NECAB1: variants seen among roughly 807,000 people sequenced by gnomAD.
The protein encoded by NECAB1 is N-terminal EF-hand calcium-binding protein 1.
In NECAB1, 29 loss-of-function variants were observed where a neutral mutation model predicts 57.5. The ratio of observed to expected loss-of-function variants is 0.50; its 90% CI spans 0.38 to 0.69. NECAB1 has a LOEUF of 0.69. Ranked by LOEUF, NECAB1 falls within the 30% of genes least tolerant of loss-of-function variation. The probability of loss-of-function intolerance (pLI) is 0.00; values close to 1 mark genes in which losing one functional copy is unlikely to be tolerated. For synonymous variants in NECAB1, 142 were observed against 147.7 expected, an observed-to-expected ratio of 0.96 and a Z score of 0.28; for missense variants, 372 against 413.8, an observed-to-expected ratio of 0.90 and a Z score of 0.88.
intron 2 of NECAB1, 141 bp downstream of exon 2, chr8:90,801,856 T>C (rs1220804329): frequency 1.1e-5 from 6 of 559,764 alleles, no homozygotes; most frequent in Non-Finnish European, 1.8e-5. Flanking sequence ...TCGTTTTAGA[T>C]AAGTTTTAGG....
intron 3 of NECAB1, among the ~76,000 whole-genome samples, chr8:90,848,096 C>A (rs753892421): frequency 6.6e-6 from 1 of 152,110 alleles, no homozygotes; most frequent in Admixed American, 6.6e-5. Flanking sequence ...TTTGCTTCCT[C>A]TTGAATGCTT....
At chr8:90,867,798 A>G (rs1420695278) in intron 3 of NECAB1, among the ~76,000 whole-genome samples, 3 of 152,220 alleles carry the variant, frequency 2.0e-5, no homozygotes, top group Non-Finnish European at 4.4e-5. Context: ...CTGGCCTTGT[A>G]TGCCACTTGG....
rs994213914 is a variant in NECAB1, at chr8:90,957,481, T to C, written c.*1969T>C. ...TCATATTCTGAAACAAGAATTAGAA[T>C]GACTTGAGAACGGGCAAATAACAAA... On this transcript the variant is annotated 3_prime_UTR_variant, in exon 13 of 13. Transcript: ENST00000417640. 6.6e-6 allele frequency: 1 copy of C among 151,758 alleles called. No homozygotes were observed. Among genetic ancestry groups the C allele is most frequent in the Non-Finnish European group, 1.5e-5 (1 of 67,792 alleles). 9.4% of individuals were successfully genotyped at this position (151,758 alleles called of 1,614,324 possible).
At chr8:90,802,173 A>G (rs1201080381) in intron 2 of NECAB1, among the ~76,000 whole-genome samples, 3 of 152,172 alleles carry the variant, frequency 2.0e-5, no homozygotes, top group Admixed American at 1.3e-4. Context: ...TGGAGATTTT[A>G]CTGTACTCCA....
intron 7 of NECAB1, 41 bp downstream of exon 7, chr8:90,925,697 T>G (rs1270559672): frequency 1.2e-6 from 2 of 1,607,402 alleles, no homozygotes; most frequent in Non-Finnish European, 1.7e-6. Flanking sequence ...CAAAGTCTAT[T>G]TATCTTGCGT....
intron 8 of NECAB1, among the ~76,000 whole-genome samples, chr8:90,928,903 C>G (rs1229222639): frequency 6.6e-6 from 1 of 151,998 alleles, no homozygotes; most frequent in East Asian, 1.9e-4. Flanking sequence ...ACCAAGTAGT[C>G]CTGTTATTGT....
intron 3 of NECAB1, among the ~76,000 whole-genome samples, chr8:90,844,144 C>T (rs1351993137): frequency 6.6e-6 from 1 of 152,130 alleles, no homozygotes; most frequent in East Asian, 1.9e-4. Context: ...TTCCTCCATG[C>T]CTTGGGGTTG....
At chr8:90,850,314 G>A (rs1504787) in intron 3 of NECAB1, among the ~76,000 whole-genome samples, 70,289 of 152,106 alleles carry the variant, frequency 0.46, 19,707 homozygotes, top group East Asian at 0.77. Context: ...TGATAGTAAT[G>A]CCCCTTGATC....
intron 10 of NECAB1, among the ~76,000 whole-genome samples, chr8:90,947,278 T>C (rs1810825068): frequency 9.0e-6 from 1 of 110,944 alleles, no homozygotes; most frequent in Admixed American, 9.9e-5. Flanking sequence ...GATACTTTCC[T>C]TTTAGCTATT....
intron 5 of NECAB1, among the ~76,000 whole-genome samples, chr8:90,903,692 T>C (rs760314606): frequency 3.3e-5 from 5 of 152,224 alleles, no homozygotes; most frequent in Non-Finnish European, 7.3e-5. Flanking sequence ...TCAACAATTC[T>C]GTTGCTGAAA....
At chr8:90,819,919 A>C (rs1812118074) in intron 2 of NECAB1, among the ~76,000 whole-genome samples, 1 of 151,806 alleles carries the variant, frequency 6.6e-6, no homozygotes, top group Non-Finnish European at 1.5e-5. Flanking sequence ...CCAGAGCCAC[A>C]AAGGAATCTT....
chr8:90,941,009 C>T (rs1810657491), intron 10 of NECAB1, 111 bp downstream of exon 10: 3 of 781,398 alleles, frequency 3.8e-6, no homozygotes, highest in Non-Finnish European at 4.3e-6. Flanking sequence ...TTTGAGAATC[C>T]TCACATTAAA....
At chr8:90,954,378 C>A (rs1016578817) in intron 12 of NECAB1, among the ~76,000 whole-genome samples, 2 of 151,822 alleles carry the variant, frequency 1.3e-5, no homozygotes, top group African/African-American at 2.4e-5. Flanking sequence ...TAAAATCATT[C>A]AAATGAAGCA....
chr8:90,843,640 C>T lies in NECAB1; in HGVS notation c.233+18815C>T, dbSNP rs552424693. On this transcript the variant is annotated intron_variant, in intron 3 of 12. Coordinates refer to ENST00000417640, the MANE Select transcript of NECAB1 (RefSeq NM_022351.5). The stretch of plus-strand genomic sequence containing the variant: ...GCAAGATCCCAAAGATAATTCAACA[C>T]TGAACTCTGAGATTTGCTTCATTTC... 1.6e-4 allele frequency among the ~76,000 whole-genome samples: 25 copies of T among 152,362 alleles called. 1 individual carries two copies. The South Asian group carries it at 5.2e-3, about 32-fold the overall frequency.
chr8:90,839,965 G>C (rs1419495204), intron 3 of NECAB1, among the ~76,000 whole-genome samples: 1 of 152,192 alleles, frequency 6.6e-6, no homozygotes, highest in African/African-American at 2.4e-5. Context: ...CCAGGTAAGA[G>C]GTGCTTCAGC....
chr8:90,927,666 A>G (rs1478289438), intron 7 of NECAB1, among the ~76,000 whole-genome samples: 1 of 151,562 alleles, frequency 6.6e-6, no homozygotes, highest in Non-Finnish European at 1.5e-5. Context: ...ATACATATGT[A>G]TGTATATATT....
chr8:90,921,518 G>T (rs1252815661), intron 6 of NECAB1, among the ~76,000 whole-genome samples: 2 of 151,780 alleles, frequency 1.3e-5, no homozygotes, highest in Non-Finnish European at 2.9e-5. Context: ...AAAATACAAA[G>T]AAATTAGCCC....
chr8:90,803,109 C>G (rs950124515), intron 2 of NECAB1, among the ~76,000 whole-genome samples: 1 of 152,140 alleles, frequency 6.6e-6, no homozygotes, highest in African/African-American at 2.4e-5. Flanking sequence ...GTTGGCCAGG[C>G]TAGTCTCAAA....
chr8:90,952,877 A>G (rs1274332901), intron 12 of NECAB1, among the ~76,000 whole-genome samples: 1 of 152,206 alleles, frequency 6.6e-6, no homozygotes, highest in African/African-American at 2.4e-5. Flanking sequence ...AGCTTTGTAC[A>G]TAGAATGCAG....
Sources: allele counts gnomAD v4.1 joint callset (sites outside exome capture counted in the v4.1 genomes callset), GRCh38; gene constraint gnomAD v4.1.1; transcripts MANE v1.5; gene names NCBI Gene and HGNC (gene_info 2026-07-23, HGNC 2026-07-21).